The following PPHLN1 variants were observed in gnomAD, a reference collection of about 807,000 sequenced individuals.
PPHLN1 encodes the protein periphilin 1.
Under a neutral mutation model 51.3 loss-of-function variants are expected in PPHLN1, and 29 were observed. The observed-to-expected ratio is 0.57, with a 90% CI of 0.42 to 0.77. The LOEUF is 0.77. Among genes scored for constraint, PPHLN1 ranks in the 30% least tolerant of loss-of-function variants. The pLI is 0.00. For synonymous variants in PPHLN1, 147 were observed against 147.8 expected (o/e 0.99, Z 0.04); for missense variants, 436 against 438.4 (o/e 0.99, Z 0.05).
intron 9 of PPHLN1, among the ~76,000 whole-genome samples, chr12:42,408,633 CT>C (rs1434592422): frequency 2.6e-5 from 4 of 152,180 alleles, no homozygotes; most frequent in Non-Finnish European, 1.5e-5. Context: ...AGTCACTTAA[CT>C]TTTCTGAGCC....
intron 9 of PPHLN1, among the ~76,000 whole-genome samples, chr12:42,411,506 A>T (rs1337371609): frequency 6.6e-6 from 1 of 152,230 alleles, no homozygotes; most frequent in Non-Finnish European, 1.5e-5. Flanking sequence ...CATAGAAATG[A>T]TAACAAAAAA....
chr12:42,374,749 C>G, intron 4 of PPHLN1, 114 bp from the exon 5 acceptor site: 1 of 890,526 alleles, frequency 1.1e-6, no homozygotes, highest in Non-Finnish European at 1.7e-6. Flanking sequence ...TCACCGCACC[C>G]GGCCCCAAGA....
chr12:42,445,888 A>G (rs112103879), downstream of PPHLN1: 4 of 1,412,992 alleles, frequency 2.8e-6, no homozygotes, highest in Admixed American at 3.1e-5. Flanking sequence ...AGTTTTATGG[A>G]AAGATGTAAA....
At chr12:42,402,245 T>C (rs943637139) in intron 9 of PPHLN1, among the ~76,000 whole-genome samples, 2 of 152,224 alleles carry the variant, frequency 1.3e-5, no homozygotes, top group Admixed American at 6.5e-5. Flanking sequence ...AAAACACTTA[T>C]CCTGAATATT....
chr12:42,330,741 GCT>G (rs1316375743), intron 1 of PPHLN1, among the ~76,000 whole-genome samples: 1 of 152,042 alleles, frequency 6.6e-6, no homozygotes, highest in Non-Finnish European at 1.5e-5. Flanking sequence ...ATGGAGTCTC[GCT>G]CTGTCACCCA....
intron 7 of PPHLN1, among the ~76,000 whole-genome samples, chr12:42,391,018 T>C (rs1193306771): frequency 6.6e-6 from 1 of 152,074 alleles, no homozygotes; most frequent in Non-Finnish European, 1.5e-5. Flanking sequence ...AGATCCATAG[T>C]TATTTTACAT....
chr12:42,388,251 G>A lies in PPHLN1; in HGVS notation c.648+716G>A, dbSNP rs180692732. ...AACTGAATGTCTTGGTATAAAACCC[G>A]ATTGTACATTTGTTCAGTTCTGAGA... On this transcript the variant is annotated intron_variant, in intron 7 of 9. Transcript: ENST00000358314. 6.5e-3 allele frequency among the ~76,000 whole-genome samples: 994 copies of A among 152,204 alleles called. 12 individuals carry two copies. Among genetic ancestry groups the A allele is most frequent in the African/African-American group, 0.023 (951 of 41,466 alleles).
chr12:42,399,294 T>C (rs769936802), intron 9 of PPHLN1: 3 of 904,444 alleles, frequency 3.3e-6, no homozygotes, highest in Non-Finnish European at 4.0e-6. Context: ...GGAAGAAATG[T>C]TCAATGTAGC....
chr12:42,429,694 A>G (rs1447086254), intron 9 of PPHLN1, among the ~76,000 whole-genome samples: 3 of 152,246 alleles, frequency 2.0e-5, no homozygotes, highest in African/African-American at 7.2e-5. Flanking sequence ...CAGTGCTTTA[A>G]CATAGAAGGT....
chr12:42,442,606 G>A (rs547257866), downstream of PPHLN1: 42 of 1,613,148 alleles, frequency 2.6e-5, 1 homozygote, highest in Middle Eastern at 3.3e-4. Flanking sequence ...AAATACCTGC[G>A]TCTGAATACT....
chr12:42,344,235 T>A (rs980243303), intron 2 of PPHLN1, among the ~76,000 whole-genome samples: 3 of 152,224 alleles, frequency 2.0e-5, no homozygotes, highest in Non-Finnish European at 4.4e-5. Flanking sequence ...TTGATTGTGA[T>A]AGGACATAAT....
Position 42,326,170 on chromosome 12 carries a change from T to A in PPHLN1, c.-80T>A, listed in dbSNP as rs1163921035. On this transcript the variant is annotated 5_prime_UTR_variant, in exon 1 of 10. Coordinates refer to ENST00000358314, the MANE Select transcript of PPHLN1 (RefSeq NM_201439.2). ...ATTGCGCGCGCCGGAAGTACCTACC[T>A]GGGATAACGGCGGCGAGCGGACGGC... 6.6e-6 allele frequency: 1 copy of A among 152,326 alleles called. No homozygotes were observed. The allele number at this position is 152,326 out of a possible 1,614,324, so 9.4% of individuals were successfully genotyped here. A position where few individuals can be genotyped will look rare whatever the true frequency, so the allele number is the denominator to read the frequency against.
intron 2 of PPHLN1, among the ~76,000 whole-genome samples, chr12:42,340,983 C>CTTTTT (rs552090682): frequency 3.1e-5 from 4 of 131,084 alleles, no homozygotes; most frequent in African/African-American, 9.6e-5. Context: ...TTCTTTCTTT[C>CTTTTT]TTTTTTTTTT....
At chr12:42,363,412 C>T (rs1022187167) in intron 4 of PPHLN1, among the ~76,000 whole-genome samples, 2 of 151,740 alleles carry the variant, frequency 1.3e-5, no homozygotes, top group Non-Finnish European at 2.9e-5. Flanking sequence ...CTTCCACAGG[C>T]CTATTACTGG....
intron 2 of PPHLN1, among the ~76,000 whole-genome samples, chr12:42,350,958 G>A (rs2073259746): frequency 2.0e-5 from 3 of 151,194 alleles, no homozygotes; most frequent in Admixed American, 2.0e-4. Context: ...CTGGAAAGCA[G>A]GAGACGGAGA....
At chr12:42,352,988 C>T (rs2073570637) in intron 3 of PPHLN1, among the ~76,000 whole-genome samples, 1 of 151,814 alleles carries the variant, frequency 6.6e-6, no homozygotes, top group Non-Finnish European at 1.5e-5. Context: ...ACTTGGGAGG[C>T]TGAGGCAGGA....
Position 42,395,504 on chromosome 12 carries a change from TTTAGC to T in PPHLN1, c.768+1819_768+1823del, listed in dbSNP as rs577819368. ...ATTAATATTTTTCTCTTATTAATAC[TTTAGC>T]TTATTAATATTTTGCTAATTTGTTC... On this transcript the variant is annotated intron_variant, in intron 8 of 9. Transcript: ENST00000358314. 2.6e-5 allele frequency among the ~76,000 whole-genome samples: 4 copies of T among 152,334 alleles called. No homozygotes were observed. The South Asian group carries it at 6.2e-4, about 24-fold the overall frequency.
At chr12:42,354,409 C>A (rs2073801179) in intron 3 of PPHLN1, among the ~76,000 whole-genome samples, 1 of 151,878 alleles carries the variant, frequency 6.6e-6, no homozygotes, top group South Asian at 2.1e-4. Flanking sequence ...GGGGTTTCAC[C>A]ATGTTGGCCA....
intron 1 of PPHLN1, among the ~76,000 whole-genome samples, chr12:42,330,506 C>T (rs903280381): frequency 2.0e-5 from 3 of 152,112 alleles, no homozygotes; most frequent in Non-Finnish European, 4.4e-5. Flanking sequence ...CCTGGTTAAT[C>T]GAGAATGGAG....
Sources: allele counts gnomAD v4.1 joint callset (sites outside exome capture counted in the v4.1 genomes callset), GRCh38; gene constraint gnomAD v4.1.1; transcripts MANE v1.5; gene names NCBI Gene and HGNC (gene_info 2026-07-23, HGNC 2026-07-21).